The following TRPV3 variants were observed in gnomAD, a reference collection of about 807,000 sequenced individuals.
The protein encoded by TRPV3 is transient receptor potential cation channel subfamily V member 3.
In TRPV3, 88 loss-of-function variants were observed where a neutral mutation model predicts 87.1. The observed-to-expected ratio is 1.01, with a 90% CI of 0.85 to 1.21. The LOEUF (loss-of-function observed/expected upper bound fraction) is 1.21, where lower values mean the gene tolerates loss of function less well. TRPV3 is among the 50% of genes most tolerant of loss of function. TRPV3 has a pLI of 0.00. For missense variants in TRPV3, 1,054 were observed against 1,030.1 expected (o/e 1.02, Z -0.32); for synonymous variants, 438 against 423.3 (o/e 1.03, Z -0.43).
chr17:3,543,571 G>T lies in TRPV3; in HGVS notation c.369C>A (p.Ile123=). ...CGCAGCCCTCAGACACGGCTGCAAAGATGCGCTTCTTCAGCCGCCTCTTTT... is the reference window on the plus strand; with the variant it reads ...CGCAGCCCTCAGACACGGCTGCAAATATGCGCTTCTTCAGCCGCCTCTTTT... ...RRKKRRLKKR[I]FAAVSEGCVE... Residue 123 remains isoleucine (I), a synonymous_variant, in exon 5 of 18, where the codon ATC becomes ATA. Transcript: ENST00000576742. 6.2e-7 allele frequency: 1 copy of T among 1,614,130 alleles called. No homozygotes were observed. Among genetic ancestry groups the T allele is most frequent in the Non-Finnish European group, 8.5e-7 (1 of 1,180,030 alleles).
At chr17:3,546,725 C>A (rs2150804349) in intron 2 of TRPV3, 1 of 454,190 alleles carries the variant, frequency 2.2e-6, no homozygotes, top group Non-Finnish European at 4.4e-6. Flanking sequence ...TGCCTGTAAT[C>A]CCAGCCCTCT....
intron 2 of TRPV3, 113 bp from the exon 3 acceptor site, chr17:3,545,384 G>C: frequency 1.4e-6 from 1 of 711,658 alleles, no homozygotes; most frequent in Non-Finnish European, 2.3e-6. Flanking sequence ...ACCCTGGCCA[G>C]CTCTGAGCCC....
At chr17:3,516,184 CT>C (rs2074181546) in intron 16 of TRPV3, among the ~76,000 whole-genome samples, 1 of 11,610 alleles carries the variant, frequency 8.6e-5, no homozygotes, top group Non-Finnish European at 4.5e-4. Context: ...AAAATTCCGT[CT>C]CAAAAAAAAA....
At chr17:3,545,090 C>T in intron 3 of TRPV3, 77 bp downstream of exon 3, 1 of 999,788 alleles carries the variant, frequency 1.0e-6, no homozygotes, top group Non-Finnish European at 1.6e-6. Flanking sequence ...CCCCGTGACC[C>T]AGGGCAAGTC....
At chr17:3,525,308 A>C (rs879495058) in intron 12 of TRPV3, among the ~76,000 whole-genome samples, 66 of 152,176 alleles carry the variant, frequency 4.3e-4, no homozygotes, top group South Asian at 2.3e-3. Context: ...GCGTGAGCCA[A>C]CGCGCCCAGC....
chr17:3,520,007 TGGATGGAC>T (rs879688961), intron 14 of TRPV3, among the ~76,000 whole-genome samples: 1,844 of 142,206 alleles, frequency 0.013, 21 homozygotes, highest in African/African-American at 0.03. Flanking sequence ...GATGGATGGA[TGGATGGAC>T]GGATAGACAG....
rs992378070 is a variant in TRPV3, at chr17:3,511,402, C to G, written c.*2515G>C. ...CATCTGTGGTCCAAGAATCAGGACA[C>G]TCCAGCCTCCACAGCTCTGATATGA... On this transcript the variant is annotated 3_prime_UTR_variant, in exon 18 of 18. Transcript: ENST00000576742. 1 of 152,176 alleles carries G rather than the reference C, an allele frequency of 6.6e-6. No homozygotes were observed. Among genetic ancestry groups the G allele is most frequent in the African/African-American group, 2.4e-5 (1 of 41,434 alleles). The allele number at this position is 152,176 out of a possible 1,614,324, so 9.4% of individuals were successfully genotyped here. A position where few individuals can be genotyped will look rare whatever the true frequency, so the allele number is the denominator to read the frequency against.
Position 3,542,751 on chromosome 17 carries a change from C to T in TRPV3, c.467-53G>A. On this transcript the variant is annotated intron_variant, in intron 5 of 17. Transcript: ENST00000576742. ...CAGGAGGGCCCCGGCTGCCCTTGGC[C>T]CTCCCAGCCCAGAGGGTGTGGTTGC... 16 of 1,574,460 alleles carry T rather than the reference C, an allele frequency of 1.0e-5. No homozygotes were observed. In the South Asian group the frequency reaches 1.9e-4, roughly 19 times the overall value.
chr17:3,520,498 G>C (rs748116976), intron 14 of TRPV3, among the ~76,000 whole-genome samples: 8 of 152,180 alleles, frequency 5.3e-5, no homozygotes, highest in Non-Finnish European at 8.8e-5. Flanking sequence ...ACCTATCTTA[G>C]GTCGTGAGGG....
chr17:3,543,281 C>A (rs1168742482), intron 5 of TRPV3, among the ~76,000 whole-genome samples, 193 bp downstream of exon 5: 2 of 152,188 alleles, frequency 1.3e-5, no homozygotes, highest in Non-Finnish European at 2.9e-5. Context: ...ACACAGTAGT[C>A]AGACCCGACT....
intron 2 of TRPV3, among the ~76,000 whole-genome samples, chr17:3,551,685 C>T (rs1031480106): frequency 6.6e-6 from 1 of 151,994 alleles, no homozygotes; most frequent in Non-Finnish European, 1.5e-5. Context: ...TGGGCATCAC[C>T]TTTTCCAGGG....
At chr17:3,537,670 G>A (rs934191919) in intron 6 of TRPV3, among the ~76,000 whole-genome samples, 13 of 152,108 alleles carry the variant, frequency 8.5e-5, no homozygotes, top group Admixed American at 2.6e-4. Flanking sequence ...TTGGGAAGCC[G>A]AGGCGGGTGG....
chr17:3,534,538 C>G (rs372131356), intron 7 of TRPV3, among the ~76,000 whole-genome samples: 107 of 152,318 alleles, frequency 7.0e-4, no homozygotes, highest in African/African-American at 2.5e-3. Flanking sequence ...CATTTGTTCC[C>G]TGTTCTGACT....
intron 15 of TRPV3, among the ~76,000 whole-genome samples, chr17:3,517,810 C>CTTTTTTTTTTTTTT (rs71153363): frequency 2.7e-5 from 3 of 113,180 alleles, no homozygotes; most frequent in African/African-American, 3.4e-5. Context: ...ATGAGCATTT[C>CTTTTTTTTTTTTTT]TTTTTTTTTT....
Position 3,545,159 on chromosome 17 carries a change from G to A in TRPV3, c.224+8C>T, listed in dbSNP as rs113563330. ...AGGGCAAGGGGTTGGGCTGGGGCCC[G>A]TACTCACCACTGCCGGATGTTGGAA... On this transcript the variant is annotated splice_region_variant and intron_variant, in intron 3 of 17. Coordinates refer to ENST00000576742, the MANE Select transcript of TRPV3 (RefSeq NM_145068.4). 20,447 of 1,608,462 alleles carry A rather than the reference G, an allele frequency of 0.013. 177 individuals carry two copies. Among genetic ancestry groups the A allele is most frequent in the Non-Finnish European group, 0.015 (18,144 of 1,175,230 alleles).
chr17:3,514,147 C>G, intron 17 of TRPV3, 136 bp from the exon 18 acceptor site: 1 of 673,572 alleles, frequency 1.5e-6, no homozygotes, highest in South Asian at 2.1e-5. Context: ...GGTGTGATCT[C>G]AGCTCACTGC....
At position 3,532,825 on chromosome 17, in the gene TRPV3, G is replaced by T. The variant is rs2074361251; in HGVS notation, c.897C>A (p.Ile299=). The change falls in exon 8 of 18, where the codon ATC becomes ATA. Residue 299 remains isoleucine (I), a synonymous_variant. Coordinates refer to ENST00000576742, the MANE Select transcript of TRPV3 (RefSeq NM_145068.4). ...ITSRDSRGNN[I]LHALVTVAED... ...CGGCCACGGTCACCAGGGCGTGAAG[G>T]ATGTTGTTGCCTCGTGAGTCCCGCG... The T allele has an allele frequency of 1.2e-6, 2 of 1,614,266 alleles. No individual in the cohort carries two copies. Among genetic ancestry groups the T allele is most frequent in the Non-Finnish European group, 1.7e-6 (2 of 1,180,052 alleles).
intron 6 of TRPV3, among the ~76,000 whole-genome samples, chr17:3,538,073 C>T (rs2074424461): frequency 6.6e-6 from 1 of 151,464 alleles, no homozygotes; most frequent in Non-Finnish European, 1.5e-5. Flanking sequence ...TGGTGAGTGC[C>T]TGTAGTCCCA....
chr17:3,533,086 G>A, intron 7 of TRPV3, 149 bp from the exon 8 acceptor site: 3 of 949,530 alleles, frequency 3.2e-6, no homozygotes, highest in Non-Finnish European at 4.7e-6. Context: ...CTACGGGGAA[G>A]AGTGAAGCTA....
Sources: allele counts gnomAD v4.1 joint callset (sites outside exome capture counted in the v4.1 genomes callset), GRCh38; gene constraint gnomAD v4.1.1; transcripts MANE v1.5; gene names NCBI Gene and HGNC (gene_info 2026-07-23, HGNC 2026-07-21).